The following EEF2K variants were observed in gnomAD, a reference collection of about 807,000 sequenced individuals.
EEF2K encodes the protein eukaryotic elongation factor 2 kinase.
Under a neutral mutation model 93.8 loss-of-function variants are expected in EEF2K, and 70 were observed. The ratio of observed to expected loss-of-function variants is 0.75; its 90% confidence interval spans 0.62 to 0.91. EEF2K has a LOEUF of 0.91. EEF2K is among the 40% of genes least tolerant of loss of function. The pLI is 0.00. For synonymous variants in EEF2K, 376 were observed against 380.8 expected (o/e 0.99, Z 0.15); for missense variants, 935 against 972.9 (o/e 0.96, Z 0.52).
Position 22,285,496 on chromosome 16 carries a change from C to CATTA in EEF2K, c.*1501_*1504dup, listed in dbSNP as rs1280185584. ...TCCTTTCAATGGAATTCAGCTCTCACATTAGTATGATTTCATTTGATGTTT... is the reference window on the plus strand; with the variant it reads ...TCCTTTCAATGGAATTCAGCTCTCACATTAATTAGTATGATTTCATTTGATGTTT... On this transcript the variant is annotated 3_prime_UTR_variant, in exon 18 of 18. Coordinates refer to ENST00000263026, the MANE Select transcript of EEF2K (RefSeq NM_013302.5). The CATTA allele has an allele frequency of 1.3e-5, 2 of 152,210 alleles. No individual in the cohort carries two copies. Among genetic ancestry groups the CATTA allele is most frequent in the African/African-American group, 4.8e-5 (2 of 41,450 alleles). 9.4% of individuals were successfully genotyped at this position (152,210 alleles called of 1,614,324 possible).
chr16:22,273,847 C>CT, intron 16 of EEF2K, 97 bp downstream of exon 16: 1 of 1,525,542 alleles, frequency 6.6e-7, no homozygotes, highest in Non-Finnish European at 8.8e-7. Flanking sequence ...CCAGTCTTGG[C>CT]TGCCCCATGA....
chr16:22,239,326 C>T (rs761933255), intron 2 of EEF2K, among the ~76,000 whole-genome samples: 4 of 152,014 alleles, frequency 2.6e-5, no homozygotes, highest in Non-Finnish European at 4.4e-5. Context: ...TACGGAGTGG[C>T]GGAGTCGTTT....
chr16:22,229,251 G>A (rs1057511232), intron 2 of EEF2K, among the ~76,000 whole-genome samples: 10 of 152,192 alleles, frequency 6.6e-5, no homozygotes, highest in African/African-American at 1.9e-4. Flanking sequence ...CTGCATATGC[G>A]TGTATGTGGG....
chr16:22,283,773 T>C, intron 17 of EEF2K, 114 bp from the exon 18 acceptor site: 1 of 1,008,800 alleles, frequency 9.9e-7, no homozygotes, highest in Non-Finnish European at 1.5e-6. Flanking sequence ...ACGGAGTAGT[T>C]TGAGTTCTTA....
intron 15 of EEF2K, among the ~76,000 whole-genome samples, chr16:22,267,738 C>T (rs1359217430): frequency 6.6e-6 from 1 of 152,030 alleles, no homozygotes; most frequent in East Asian, 1.9e-4. Context: ...AAGGTGCACC[C>T]GTGTAGCTAG....
intron 2 of EEF2K, among the ~76,000 whole-genome samples, chr16:22,228,726 T>C (rs1032548217): frequency 8.5e-5 from 13 of 152,164 alleles, no homozygotes; most frequent in African/African-American, 3.1e-4. Context: ...ACATATAATT[T>C]AGTTATCTTG....
chr16:22,271,221 C>T (rs908284431), intron 15 of EEF2K, among the ~76,000 whole-genome samples: 7 of 151,906 alleles, frequency 4.6e-5, no homozygotes, highest in Non-Finnish European at 4.4e-5. Context: ...CTGCCCACCT[C>T]GGCCTCCCAA....
intron 17 of EEF2K, among the ~76,000 whole-genome samples, chr16:22,281,133 G>A (rs1445222667): frequency 6.6e-6 from 1 of 151,398 alleles, no homozygotes; most frequent in Non-Finnish European, 1.5e-5. Flanking sequence ...CACCATGTTG[G>A]CCAGACTGGT....
At chr16:22,233,084 T>C (rs2047132059) in intron 2 of EEF2K, among the ~76,000 whole-genome samples, 1 of 152,188 alleles carries the variant, frequency 6.6e-6, no homozygotes, top group African/African-American at 2.4e-5. Context: ...CTCCATAGAA[T>C]ATCAGGCAGT....
At chr16:22,272,047 A>T (rs1266533928) in intron 15 of EEF2K, among the ~76,000 whole-genome samples, 1 of 152,214 alleles carries the variant, frequency 6.6e-6, no homozygotes, top group Non-Finnish European at 1.5e-5. Flanking sequence ...CCCGCTTGTT[A>T]GTTTCATCTG....
At chr16:22,283,525 C>G (rs1598212283) in intron 17 of EEF2K, among the ~76,000 whole-genome samples, 1 of 152,128 alleles carries the variant, frequency 6.6e-6, no homozygotes, top group South Asian at 2.1e-4. Flanking sequence ...AAAGTTCTCA[C>G]CCTGATTCTC....
At chr16:22,282,249 A>G (rs2141690886) in intron 17 of EEF2K, among the ~76,000 whole-genome samples, 1 of 152,326 alleles carries the variant, frequency 6.6e-6, no homozygotes, top group East Asian at 1.9e-4. Flanking sequence ...TGGGAATTCC[A>G]AGATCAAGGT....
intron 11 of EEF2K, among the ~76,000 whole-genome samples, chr16:22,261,218 T>C (rs2047458971): frequency 6.6e-6 from 1 of 150,738 alleles, no homozygotes; most frequent in South Asian, 2.1e-4. Flanking sequence ...TACAAAAAAA[T>C]ACAAAAGTTA....
chr16:22,225,152 G>C (rs143205064), intron 1 of EEF2K, among the ~76,000 whole-genome samples: 9 of 152,266 alleles, frequency 5.9e-5, no homozygotes, highest in African/African-American at 2.2e-4. Flanking sequence ...ACAAGGAACA[G>C]CAGGTACAAA....
chr16:22,226,362 A>G (rs1379690146), intron 2 of EEF2K, among the ~76,000 whole-genome samples: 2 of 145,096 alleles, frequency 1.4e-5, no homozygotes, highest in African/African-American at 2.6e-5. Flanking sequence ...AAGAAATGGA[A>G]CAGAACAGAA....
At chr16:22,238,288 C>G (rs894905807) in intron 2 of EEF2K, among the ~76,000 whole-genome samples, 4 of 152,064 alleles carry the variant, frequency 2.6e-5, no homozygotes, top group African/African-American at 9.7e-5. Flanking sequence ...CCACGTCCCC[C>G]ACTCCCTGCC....
At position 22,266,710 on chromosome 16, in the gene EEF2K, A is replaced by T. The variant is rs2047524764; in HGVS notation, c.1598A>T (p.Tyr533Phe). The change falls in exon 15 of 18, where the codon TAC (tyrosine) becomes TTC (phenylalanine). Residue 533 changes from tyrosine to phenylalanine, a missense_variant. Transcript: ENST00000263026. ...LGKVHLAMVR[Y>F]HEGGRFCEKG... The stretch of plus-strand genomic sequence containing the variant: ...CAGGTCCATCTGGCCATGGTGCGCT[A>T]CCACGAGGGTGGGCGCTTCTGCGAG... The T allele has an allele frequency of 6.2e-7, 1 of 1,612,346 alleles. No homozygotes were observed. Among genetic ancestry groups the T allele is most frequent in the East Asian group, 2.2e-5 (1 of 44,870 alleles).
chr16:22,222,886 T>C (rs1176393018), intron 1 of EEF2K, among the ~76,000 whole-genome samples: 2 of 150,842 alleles, frequency 1.3e-5, no homozygotes, highest in Non-Finnish European at 3.0e-5. Context: ...CCATCTCAGA[T>C]AGATAGATAG....
intron 1 of EEF2K, among the ~76,000 whole-genome samples, chr16:22,221,691 A>T (rs1598164465): frequency 6.6e-6 from 1 of 152,196 alleles, no homozygotes; most frequent in Non-Finnish European, 1.5e-5. Context: ...ATGTAAAAAA[A>T]TTTTTAAACT....
Sources: allele counts gnomAD v4.1 joint callset (sites outside exome capture counted in the v4.1 genomes callset), GRCh38; gene constraint gnomAD v4.1.1; transcripts MANE v1.5; gene names NCBI Gene and HGNC (gene_info 2026-07-23, HGNC 2026-07-21).